The following DACH2 variants were observed in gnomAD, a reference collection of about 807,000 sequenced individuals.
DACH2 encodes the protein dachshund family transcription factor 2, also known as dachshund homolog 2.
Under a neutral mutation model 35.8 loss-of-function variants are expected in DACH2, and 17 were observed. The observed-to-expected ratio is 0.48, with a 90% confidence interval of 0.33 to 0.71. DACH2 has a LOEUF of 0.71. DACH2 is among the 30% of genes least tolerant of loss of function. The pLI, the probability that DACH2 is intolerant of heterozygous loss-of-function variation, is 0.02. For missense variants in DACH2, 469 were observed against 472.7 expected (o/e 0.99, Z 0.07); for synonymous variants, 195 against 177.3 (o/e 1.10, Z -0.79).
At chrX:86,173,988 G>C (rs1056687971) in intron 1 of DACH2, among the ~76,000 whole-genome samples, 1 of 111,003 alleles carries the variant, frequency 9.0e-6, no homozygotes, top group Non-Finnish European at 1.9e-5. Flanking sequence ...CTGGGTGTGA[G>C]AGAAAGAAAA....
chrX:86,610,446 CT>C (rs1161700399), intron 3 of DACH2, among the ~76,000 whole-genome samples: 1 of 71,387 alleles, frequency 1.4e-5, no homozygotes, highest in East Asian at 4.1e-4. Context: ...TTCTTTCTTT[CT>C]TTTTCTTTCG....
At position 86,514,337 on chromosome X, in the gene DACH2, C is replaced by T. The variant is rs771233454; in HGVS notation, c.586C>T (p.Leu196Phe). The T allele has an allele frequency of 8.3e-7, 1 of 1,211,517 alleles. No homozygotes were observed. Among genetic ancestry groups the T allele is most frequent in the South Asian group, 1.8e-5 (1 of 56,868 alleles). ...SLGVLQENAR[L>F]LTHAVPGLLS... ...GGGAGTGTTGCAGGAAAATGCCCGC[C>T]TTCTGACCCATGCAGTCCCAGGCCT... is the stretch of plus-strand genomic sequence containing the variant. The change falls in exon 3 of 12, where the codon CTT becomes TTT. Residue 196 changes from leucine (L) to phenylalanine (F), a missense_variant. This residue lies in a region of DACH2 where 363 missense variants were observed against 334.4 expected (regional missense o/e 1.09). Coordinates refer to ENST00000373125, the MANE Select transcript of DACH2 (RefSeq NM_053281.3).
At chrX:86,187,264 C>T (rs762916956) in intron 1 of DACH2, among the ~76,000 whole-genome samples, 14 of 111,033 alleles carry the variant, frequency 1.3e-4, no homozygotes, top group Admixed American at 4.8e-4. Flanking sequence ...ATTGTTAGCA[C>T]GGCACAAACC....
intron 1 of DACH2, among the ~76,000 whole-genome samples, chrX:86,182,728 C>T (rs953875223): frequency 2.7e-5 from 3 of 111,478 alleles, no homozygotes; most frequent in Non-Finnish European, 5.7e-5. Context: ...TCATTGGTAG[C>T]TTGATGGGGT....
intron 3 of DACH2, among the ~76,000 whole-genome samples, chrX:86,586,536 TA>T (rs771688007): frequency 8.1e-5 from 9 of 111,423 alleles, no homozygotes; most frequent in East Asian, 2.8e-4. Context: ...TCAGGGTTTT[TA>T]CATTTAAGTT....
chrX:86,813,446 C>CA (rs1182157047), intron 9 of DACH2, among the ~76,000 whole-genome samples, 169 bp downstream of exon 9: 17,058 of 75,503 alleles, frequency 0.23, 1,583 homozygotes, highest in South Asian at 0.37. Context: ...ACTAAAAATA[C>CA]AAAAAAAAAA....
At chrX:86,288,484 C>A (rs1388519249) in intron 1 of DACH2, among the ~76,000 whole-genome samples, 2 of 111,983 alleles carry the variant, frequency 1.8e-5, no homozygotes, top group African/African-American at 6.5e-5. Flanking sequence ...GTGAGCTCCC[C>A]CAGACGCCTG....
chrX:86,643,094 A>C (rs922252457), intron 3 of DACH2, among the ~76,000 whole-genome samples: 5 of 110,336 alleles, frequency 4.5e-5, no homozygotes, highest in Non-Finnish European at 9.5e-5. Context: ...AAAGATGAGA[A>C]ATAACAAAAA....
intron 3 of DACH2, among the ~76,000 whole-genome samples, chrX:86,567,524 G>T (rs1453958086): frequency 9.0e-6 from 1 of 111,154 alleles, no homozygotes; most frequent in Non-Finnish European, 1.9e-5. Context: ...TAACATGTGC[G>T]TTCCTCCTTT....
At chrX:86,231,690 A>G (rs2032952069) in intron 1 of DACH2, among the ~76,000 whole-genome samples, 1 of 112,178 alleles carries the variant, frequency 8.9e-6, no homozygotes, top group Non-Finnish European at 1.9e-5. Context: ...AAAGGGCTTT[A>G]GTTCTTCCCC....
intron 3 of DACH2, among the ~76,000 whole-genome samples, chrX:86,623,250 T>C (rs1185604926): frequency 8.9e-6 from 1 of 112,448 alleles, no homozygotes; most frequent in Non-Finnish European, 1.9e-5. Flanking sequence ...AATATGTCTA[T>C]GTGATATAGG....
At chrX:86,367,212 C>T (rs956623760) in intron 1 of DACH2, among the ~76,000 whole-genome samples, 2 of 55,588 alleles carry the variant, frequency 3.6e-5, no homozygotes, top group East Asian at 5.7e-3. Context: ...AAAAGAGATG[C>T]ATAAATTTTA....
chrX:86,420,479 G>T (rs1362037910), intron 2 of DACH2, among the ~76,000 whole-genome samples: 2 of 111,110 alleles, frequency 1.8e-5, no homozygotes, highest in African/African-American at 6.5e-5. Context: ...TGGAGTTTAT[G>T]CCTTGTCTAA....
intron 2 of DACH2, among the ~76,000 whole-genome samples, chrX:86,382,515 C>G (rs2036062776): frequency 9.3e-6 from 1 of 107,967 alleles, no homozygotes; most frequent in Non-Finnish European, 1.9e-5. Flanking sequence ...CGTCCTCTTG[C>G]CAGCACAGAA....
At chrX:86,751,183 C>T (rs1269597850) in intron 7 of DACH2, among the ~76,000 whole-genome samples, 1 of 110,269 alleles carries the variant, frequency 9.1e-6, no homozygotes, top group South Asian at 3.8e-4. Flanking sequence ...AAGAGAAAAC[C>T]TCAAGCCAAT....
At chrX:86,461,564 A>G (rs1434045612) in intron 2 of DACH2, among the ~76,000 whole-genome samples, 1 of 111,364 alleles carries the variant, frequency 9.0e-6, no homozygotes, top group African/African-American at 3.2e-5. Flanking sequence ...GGGGTAATGC[A>G]TCTTTAAAAG....
intron 3 of DACH2, among the ~76,000 whole-genome samples, chrX:86,532,134 T>C (rs2038730457): frequency 8.9e-6 from 1 of 112,587 alleles, no homozygotes; most frequent in African/African-American, 3.2e-5. Context: ...GTAACTATAT[T>C]GTTTTGATTT....
intron 1 of DACH2, among the ~76,000 whole-genome samples, chrX:86,292,714 G>C (rs1481755155): frequency 9.0e-6 from 1 of 111,628 alleles, no homozygotes; most frequent in Non-Finnish European, 1.9e-5. Context: ...AGGTTGTTCT[G>C]TTTCCATGTA....
chrX:86,483,357 C>G (rs1252539688), intron 2 of DACH2, among the ~76,000 whole-genome samples: 1 of 110,744 alleles, frequency 9.0e-6, no homozygotes, highest in Non-Finnish European at 1.9e-5. Context: ...TTATATCATT[C>G]GAATTGCCTC....
Sources: allele counts gnomAD v4.1 joint callset (sites outside exome capture counted in the v4.1 genomes callset), GRCh38; gene constraint gnomAD v4.1.1; regional missense constraint gnomAD v4.1.1; transcripts MANE v1.5; gene names NCBI Gene and HGNC (gene_info 2026-07-23, HGNC 2026-07-21).